Variants in CBLN2 observed in about 807,000 individuals in gnomAD.
CBLN2 encodes the protein cerebellin-2.
In CBLN2, 7 loss-of-function variants were observed where a neutral mutation model predicts 15.0. The ratio of observed to expected loss-of-function variants is 0.47; its 90% CI spans 0.27 to 0.88. The LOEUF (loss-of-function observed/expected upper bound fraction) is 0.88, where lower values mean the gene tolerates loss of function less well. CBLN2 is among the 40% of genes least tolerant of loss of function. The pLI, the probability that CBLN2 is intolerant of heterozygous loss-of-function variation, is 0.14. For missense variants in CBLN2, 242 were observed against 304.5 expected (o/e 0.79, Z 1.53); for synonymous variants, 149 against 135.2 (o/e 1.10, Z -0.71).
At chr18:72,619,833 T>G (rs2069687908) in intron 1 of CBLN2, among the ~76,000 whole-genome samples, 1 of 152,232 alleles carries the variant, frequency 6.6e-6, no homozygotes, top group Admixed American at 6.5e-5. Context: ...TCTTGACCCC[T>G]TAATGGGATT....
chr18:72,571,378 CTGAT>C (rs1264330677), intron 1 of CBLN2, among the ~76,000 whole-genome samples: 1 of 151,848 alleles, frequency 6.6e-6, no homozygotes, highest in Non-Finnish European at 1.5e-5. Flanking sequence ...AGAGGACAAA[CTGAT>C]TGGTGACAGA....
intron 1 of CBLN2, among the ~76,000 whole-genome samples, chr18:72,616,943 G>T (rs1038518487): frequency 6.6e-6 from 1 of 152,034 alleles, no homozygotes; most frequent in African/African-American, 2.4e-5. Context: ...TGGTATTGTC[G>T]AATTAAATCA....
At position 72,573,034 on chromosome 18, in the gene CBLN2, T is replaced by C. The variant is rs1599005393; in HGVS notation, c.16-34262A>G. On this transcript the variant is annotated intron_variant, in intron 1 of 2. Transcript: ENST00000581073. The stretch of plus-strand genomic sequence containing the variant: ...AAGACCCAGAATTTTCTATTTGTTT[T>C]GTGGCTTTGTGATTTTCTATAAAGC... Among the ~76,000 whole-genome samples the C allele has an allele frequency of 5.9e-5, 9 of 152,310 alleles. No homozygotes were observed. In the South Asian group the frequency reaches 1.9e-3, roughly 32 times the overall value.
chr18:72,581,434 A>C (rs2069403837), intron 1 of CBLN2, among the ~76,000 whole-genome samples: 1 of 152,168 alleles, frequency 6.6e-6, no homozygotes, highest in African/African-American at 2.4e-5. Context: ...TGTTATAATA[A>C]ATTTTATTAC....
intron 1 of CBLN2, among the ~76,000 whole-genome samples, chr18:72,598,415 C>A (rs1393366954): frequency 1.3e-5 from 2 of 152,208 alleles, no homozygotes; most frequent in East Asian, 1.9e-4. Context: ...AAGCTGGTAT[C>A]CACGTTGCAA....
intron 1 of CBLN2, among the ~76,000 whole-genome samples, chr18:72,606,716 C>T (rs1334189082): frequency 2.0e-5 from 3 of 152,192 alleles, no homozygotes; most frequent in African/African-American, 7.2e-5. Context: ...GGAGAAGATA[C>T]CAGCTCGGCC....
chr18:72,591,134 T>C (rs770614824), intron 1 of CBLN2, among the ~76,000 whole-genome samples: 1 of 152,178 alleles, frequency 6.6e-6, no homozygotes, highest in Admixed American at 6.5e-5. Flanking sequence ...GAAAAAGGGA[T>C]TAAAATCAGT....
upstream of CBLN2, among the ~76,000 whole-genome samples, chr18:72,548,697 G>T (rs2069173569): frequency 6.6e-6 from 1 of 152,162 alleles, no homozygotes; most frequent in African/African-American, 2.4e-5. Flanking sequence ...CGTGCAGCCT[G>T]GTCATTTGAG....
chr18:72,567,853 A>T (rs1461192068), intron 1 of CBLN2, among the ~76,000 whole-genome samples: 1 of 152,228 alleles, frequency 6.6e-6, no homozygotes, highest in African/African-American at 2.4e-5. Flanking sequence ...GATCTTAGAA[A>T]GCAGTTGCAA....
intron 1 of CBLN2, chr18:72,620,332 G>A (rs967659695): frequency 1.1e-3 from 167 of 152,190 alleles, no homozygotes; most frequent in African/African-American, 3.8e-3. Context: ...GGAACAAATT[G>A]AAGGATGGTG....
intron 1 of CBLN2, among the ~76,000 whole-genome samples, chr18:72,615,261 GTA>G (rs2069652675): frequency 3.5e-5 from 4 of 115,748 alleles, no homozygotes; most frequent in South Asian, 2.5e-4. Flanking sequence ...ATTTATATAT[GTA>G]TATATTATAT....
At chr18:72,637,055 A>C (rs1203415259) in intron 1 of CBLN2, among the ~76,000 whole-genome samples, 2 of 149,172 alleles carry the variant, frequency 1.3e-5, no homozygotes, top group East Asian at 2.1e-4. Flanking sequence ...AAAAAAAAAA[A>C]CCCAGTTGCA....
chr18:72,557,424 T>C (rs1433089658), intron 1 of CBLN2, among the ~76,000 whole-genome samples: 1 of 152,208 alleles, frequency 6.6e-6, no homozygotes, highest in Non-Finnish European at 1.5e-5. Context: ...AGTCAAATGG[T>C]ATTTTTGTTC....
At chr18:72,603,755 A>G (rs972231813) in intron 1 of CBLN2, among the ~76,000 whole-genome samples, 52 of 152,334 alleles carry the variant, frequency 3.4e-4, no homozygotes, top group African/African-American at 1.2e-3. Flanking sequence ...ATCATCAAAG[A>G]AAATCAAACC....
At chr18:72,554,701 A>G (rs1417680519) in intron 1 of CBLN2, among the ~76,000 whole-genome samples, 2 of 152,280 alleles carry the variant, frequency 1.3e-5, no homozygotes, top group South Asian at 4.1e-4. Context: ...GTTACATACG[A>G]TCTCTAAATA....
At chr18:72,589,314 A>G (rs1330804957) in intron 1 of CBLN2, among the ~76,000 whole-genome samples, 1 of 152,204 alleles carries the variant, frequency 6.6e-6, no homozygotes, top group Non-Finnish European at 1.5e-5. Context: ...AGAAAAGCTC[A>G]TACCAACAAA....
rs764078682 is a variant in CBLN2 at position 72,537,812 on chromosome 18, T to G, written c.*364A>C. The stretch of plus-strand genomic sequence containing the variant: ...CTGCAACCTGCAGCCCATCCTGGAG[T>G]CAGGAGCTCTCCTTCCGTTGGGACG... On this transcript the variant is annotated 3_prime_UTR_variant, in exon 5 of 5. Transcript: ENST00000269503. 2.6e-5 allele frequency: 8 copies of G among 304,686 alleles called. No homozygotes were observed. Among genetic ancestry groups the G allele is most frequent in the Admixed American group, 1.9e-4 (4 of 20,626 alleles). 18.9% of individuals were successfully genotyped at this position (304,686 alleles called of 1,614,324 possible).
intron 1 of CBLN2, among the ~76,000 whole-genome samples, chr18:72,553,884 G>A (rs894225954): frequency 3.9e-5 from 6 of 152,142 alleles, no homozygotes; most frequent in Admixed American, 2.0e-4. Flanking sequence ...GGAGAAATTC[G>A]AAACATTTGG....
At position 72,542,084 on chromosome 18, in the gene CBLN2, C is replaced by T. The variant is rs549220921; in HGVS notation, c.77G>A (p.Gly26Asp). The T allele has an allele frequency of 1.4e-5, 21 of 1,532,194 alleles. No homozygotes were observed. In the East Asian group the frequency reaches 5.3e-4, roughly 39 times the overall value. 94.9% of individuals were successfully genotyped at this position (1,532,194 alleles called of 1,614,324 possible). Residue 26 changes from glycine to aspartate, a missense_variant, in exon 3 of 5, where the codon GGC becomes GAC. This residue lies in a region of CBLN2 where 96 missense variants were observed against 83.8 expected (regional missense o/e 1.15). Coordinates refer to ENST00000269503, the MANE Select transcript of CBLN2 (RefSeq NM_182511.4). ...CACCCCCAGGCAGGATCCGCAGCCG[C>T]CCGGCTCGCGCAGCGCCCCCCGGCG... ...PGRRGALREP[G>D]GCGSCLGVAL...
Sources: gnomAD v4.1 joint callset for allele counts (sites outside exome capture counted in the v4.1 genomes callset) on GRCh38, gnomAD v4.1.1 for gene constraint, gnomAD v4.1.1 regional missense constraint, MANE v1.5 for transcripts, NCBI Gene and HGNC (gene_info 2026-07-23, HGNC 2026-07-21) for gene names.